The following ATP5F1B variants were observed in gnomAD, a reference collection of about 807,000 sequenced individuals.
ATP5F1B encodes ATP synthase F(1) complex subunit beta, mitochondrial.
Under a neutral mutation model 45.9 loss-of-function variants are expected in ATP5F1B, and 17 were observed. The observed-to-expected ratio is 0.37, with a 90% CI of 0.25 to 0.56. The LOEUF (loss-of-function observed/expected upper bound fraction) is 0.56. Among genes scored for constraint, ATP5F1B ranks in the 20% least tolerant of loss-of-function variants. ATP5F1B has a pLI of 0.80. For synonymous variants in ATP5F1B, 218 were observed against 256.5 expected, an observed-to-expected ratio of 0.85 and a Z score of 1.43; for missense variants, 387 against 673.2, an observed-to-expected ratio of 0.57 and a Z score of 4.70.
Position 56,645,889 on chromosome 12 carries a change from C to T in ATP5F1B, c.75G>A (p.Ser25=). 6.2e-7 allele frequency: 1 copy of T among 1,607,962 alleles called. No homozygotes were observed. The highest frequency in any genetic ancestry group is 8.5e-7 in the Non-Finnish European group (1 of 1,177,560). Residue 25 remains serine, a synonymous_variant, in exon 1 of 10, where the codon TCG becomes TCA. Transcript: ENST00000262030. ...GCAGTAAGAGCTGAGCTGGGGGCAGCGACGCTGAAGGGGTGAGTCTCCGCA... is the reference window on the plus strand; with the variant it reads ...GCAGTAAGAGCTGAGCTGGGGGCAGTGACGCTGAAGGGGTGAGTCTCCGCA... The part of the protein sequence containing the change: ...GALRRLTPSA[S]LPPAQLLLRA...
intron 3 of ATP5F1B, 121 bp from the exon 4 acceptor site, chr12:56,644,079 C>G: frequency 4.5e-6 from 5 of 1,120,090 alleles, no homozygotes; most frequent in Non-Finnish European, 6.2e-6. Flanking sequence ...ACAGTCTTAC[C>G]TCCCCTTTCT....
At position 56,644,858 on chromosome 12, in the gene ATP5F1B, A is replaced by C; in HGVS notation, c.408T>G (p.Val136=). ...LDSGAPIKIP[V]GPETLGRIMN... ...TGATTCTGCCCAAAGTCTCAGGACC[A>C]ACAGGAATTTTGATTGGTGCACCAG... The change falls in exon 3 of 10, where the codon GTT becomes GTG. Residue 136 remains valine, a synonymous_variant. Coordinates refer to ENST00000262030, the MANE Select transcript of ATP5F1B (RefSeq NM_001686.4). 6.2e-7 allele frequency: 1 copy of C among 1,614,230 alleles called. No homozygotes were observed. Among genetic ancestry groups the C allele is most frequent in the Non-Finnish European group, 8.5e-7 (1 of 1,180,042 alleles).
chr12:56,643,412 G>A lies in ATP5F1B; in HGVS notation c.783C>T (p.Ala261=). The A allele has an allele frequency of 1.2e-6, 2 of 1,614,054 alleles. No homozygotes were observed. Among genetic ancestry groups the A allele is most frequent in the Non-Finnish European group, 1.7e-6 (2 of 1,179,948 alleles). ...IESGVINLKD[A]TSKVALVYGQ... is the part of the protein sequence containing the mutation. The stretch of plus-strand genomic sequence containing the variant: ...TTAGCTCAATGCTTACCTTAGAGGT[G>A]GCATCTTTTAAGTTGATAACACCAG... Residue 261 remains alanine, a synonymous_variant, in exon 5 of 10, where the codon GCC becomes GCT. Transcript: ENST00000262030.
At chr12:56,641,928 T>C (rs1011672833) in intron 7 of ATP5F1B, among the ~76,000 whole-genome samples, 3 of 152,150 alleles carry the variant, frequency 2.0e-5, no homozygotes, top group African/African-American at 7.2e-5. Flanking sequence ...AGTTTCCATA[T>C]AGCGCCGGAC....
At chr12:56,642,899 A>T in intron 5 of ATP5F1B, 68 bp from the exon 6 acceptor site, 1 of 1,543,638 alleles carries the variant, frequency 6.5e-7, no homozygotes, top group Non-Finnish European at 8.8e-7. Context: ...GAAGGTTCCC[A>T]AATCGGAGAA....
chr12:56,639,500 G>A (rs1951496524), intron 8 of ATP5F1B, 193 bp from the exon 9 acceptor site: 3 of 602,990 alleles, frequency 5.0e-6, no homozygotes, highest in South Asian at 1.9e-5. Context: ...TCCGCCGGGC[G>A]CAGTGGCTCA....
chr12:56,638,799 G>T (rs758058194), intron 9 of ATP5F1B, among the ~76,000 whole-genome samples: 1 of 152,136 alleles, frequency 6.6e-6, no homozygotes, highest in Non-Finnish European at 1.5e-5. Context: ...GGATGGTTGA[G>T]GCTGGAGAAT....
Position 56,645,342 on chromosome 12 carries a change from C to T in ATP5F1B, c.139G>A (p.Ala47Thr), listed in dbSNP as rs1383015534. 2 of 1,613,714 alleles carry T rather than the reference C, an allele frequency of 1.2e-6. No homozygotes were observed. Among genetic ancestry groups the T allele is most frequent in the Non-Finnish European group, 8.5e-7 (1 of 1,179,848 alleles). ...TTTGGCGAAGGAGATGTTTGCGCCG[C>T]ATAGTCCCTGACTAACAGACAAAAG... is the stretch of plus-strand genomic sequence containing the variant. ...PTAVHPVRDY[A>T]AQTSPSPKAG... The change falls in exon 2 of 10, where the codon GCG (alanine) becomes ACG (threonine). Residue 47 changes from alanine to threonine, a missense_variant. This residue lies in a region of ATP5F1B where 76 missense variants were observed against 62.0 expected (regional missense o/e 1.23). Coordinates refer to ENST00000262030, the MANE Select transcript of ATP5F1B (RefSeq NM_001686.4).
chr12:56,643,594 GA>G lies in ATP5F1B; in HGVS notation c.608-8del. 1 of 1,613,818 alleles carries G rather than the reference GA, an allele frequency of 6.2e-7. No individual in the cohort carries two copies. The highest frequency in any genetic ancestry group is 1.1e-5 in the South Asian group (1 of 91,060). On this transcript the variant is annotated splice_polypyrimidine_tract_variant and splice_region_variant and intron_variant, in intron 4 of 9. Transcript: ENST00000262030. ...CCAGCACCACCAAAAAGCCCTATAA[GA>G]GGTTGAAAAGAAAGAATATTTAAGA...
chr12:56,645,482 G>A, intron 1 of ATP5F1B, 129 bp from the exon 2 acceptor site: 1 of 1,111,126 alleles, frequency 9.0e-7, no homozygotes, highest in African/African-American at 1.6e-5. Flanking sequence ...TACGGAACGC[G>A]TGTCCAAGAG....
In ATP5F1B at chr12:56,639,211, G is replaced by A. The variant is rs200610844; in HGVS notation, c.1384C>T (p.Arg462Cys). The A allele has an allele frequency of 3.1e-6, 5 of 1,613,962 alleles. No homozygotes were observed. Among genetic ancestry groups the A allele is most frequent in the East Asian group, 2.2e-5 (1 of 44,876 alleles). ...ACCTGGAATGGCTGAGACAAGAAAC[G>A]CTGTATTTTCCGTGCACGGGACACG... ...LTVSRARKIQ[R>C]FLSQPFQVAE... Residue 462 changes from arginine (R) to cysteine (C), a missense_variant, in exon 9 of 10, where the codon CGT (arginine) becomes TGT (cysteine). Physicochemically the swap from Arg to Cys is radical, Grantham distance 180. This residue lies in a region of ATP5F1B where 154 missense variants were observed against 361.4 expected (regional missense o/e 0.43). Coordinates refer to ENST00000262030, the MANE Select transcript of ATP5F1B (RefSeq NM_001686.4).
chr12:56,645,564 G>A (rs546554753), intron 1 of ATP5F1B, among the ~76,000 whole-genome samples: 1 of 152,214 alleles, frequency 6.6e-6, no homozygotes, highest in Non-Finnish European at 1.5e-5. Context: ...CCCATTTTTC[G>A]AGAGTTCAGT....
chr12:56,639,839 C>T, intron 8 of ATP5F1B, 141 bp downstream of exon 8: 2 of 758,820 alleles, frequency 2.6e-6, no homozygotes, highest in Non-Finnish European at 4.3e-6. Flanking sequence ...CAAGAGACCT[C>T]ATTAGCTCTC....
At chr12:56,645,762 G>A (rs969019085) in intron 1 of ATP5F1B, 75 bp downstream of exon 1, 2 of 1,567,600 alleles carry the variant, frequency 1.3e-6, no homozygotes, top group Non-Finnish European at 1.7e-6. Context: ...CCTTAGGCCC[G>A]AGCTACCATC....
At chr12:56,643,159 G>C in intron 5 of ATP5F1B, 1 of 485,984 alleles carries the variant, frequency 2.1e-6, no homozygotes, top group Non-Finnish European at 3.5e-6. Context: ...CTACCAAAAA[G>C]AAAACCTGGA....
rs1951501692 is a variant in ATP5F1B, at chr12:56,640,187, G to A, written c.1080C>T (p.Ile360=). Residue 360 remains isoleucine (I), a synonymous_variant, in exon 8 of 10, where the codon ATC becomes ATT. Coordinates refer to ENST00000262030, the MANE Select transcript of ATP5F1B (RefSeq NM_001686.4). The part of the protein sequence containing the change: ...KKGSITSVQA[I]YVPADDLTDP... ...CAGTCAAGTCATCAGCAGGCACATA[G>A]ATAGCCTAAAGTGAGATCCCATGAA... 6.2e-7 allele frequency: 1 copy of A among 1,612,888 alleles called. No individual in the cohort carries two copies. Among genetic ancestry groups the A allele is most frequent in the South Asian group, 1.1e-5 (1 of 91,020 alleles).
At chr12:56,642,337 TC>T (rs1951518453) in intron 7 of ATP5F1B, 120 bp downstream of exon 7, 2 of 1,401,584 alleles carry the variant, frequency 1.4e-6, no homozygotes, top group Non-Finnish European at 9.7e-7. Flanking sequence ...ACAGCTTTGT[TC>T]CCCAGGCTGA....
intron 6 of ATP5F1B, 36 bp from the exon 7 acceptor site, chr12:56,642,616 T>C: frequency 6.2e-7 from 1 of 1,614,066 alleles, no homozygotes; most frequent in Admixed American, 1.7e-5. Flanking sequence ...TCTACATCCT[T>C]AGCCTCATCC....
Position 56,638,307 on chromosome 12 carries a change from A to G in ATP5F1B, c.*16T>C, listed in dbSNP as rs775330414. ...TTAGGGGCAAGGAGAGAGACAGTAC[A>G]GAGGACAAAGACCCCTCACGATGAA... On this transcript the variant is annotated 3_prime_UTR_variant, in exon 10 of 10. Coordinates refer to ENST00000262030, the MANE Select transcript of ATP5F1B (RefSeq NM_001686.4). 4.4e-6 allele frequency: 7 copies of G among 1,607,804 alleles called. No individual in the cohort carries two copies. The South Asian group carries it at 6.6e-5, about 15-fold the overall frequency.
Sources: gnomAD v4.1 joint callset for allele counts (sites outside exome capture counted in the v4.1 genomes callset) on GRCh38, gnomAD v4.1.1 for gene constraint, gnomAD v4.1.1 regional missense constraint, MANE v1.5 for transcripts, NCBI Gene and HGNC (gene_info 2026-07-23, HGNC 2026-07-21) for gene names.